Variants in ARID1B observed in about 807,000 individuals in gnomAD.
ARID1B encodes AT-rich interactive domain-containing protein 1B.
ARID1B carries 30 observed loss-of-function variants against 212.3 expected under a neutral mutation model. The observed-to-expected ratio is 0.14, with a 90% CI of 0.11 to 0.19. ARID1B has a LOEUF of 0.19. ARID1B is among the 10% of genes least tolerant of loss of function. ARID1B has a pLI of 1.00. For synonymous variants in ARID1B, 1,402 were observed against 1,301.7 expected, an observed-to-expected ratio of 1.08 and a Z score of -1.66; for missense variants, 2,891 against 3,204.0, an observed-to-expected ratio of 0.90 and a Z score of 2.36.
intron 4 of ARID1B, among the ~76,000 whole-genome samples, chr6:157,049,431 G>A (rs1446449572): frequency 5.3e-5 from 8 of 152,180 alleles, no homozygotes; most frequent in Admixed American, 3.3e-4. Flanking sequence ...GGAGGGACAG[G>A]ACTGGCCCTT....
At chr6:156,780,137 A>G (rs1161853313) in intron 1 of ARID1B, among the ~76,000 whole-genome samples, 2 of 152,194 alleles carry the variant, frequency 1.3e-5, no homozygotes, top group Non-Finnish European at 2.9e-5. Context: ...ATATTGTAAA[A>G]TACATCGATT....
chr6:157,001,929 C>G (rs573288128), intron 4 of ARID1B, among the ~76,000 whole-genome samples: 3 of 152,300 alleles, frequency 2.0e-5, no homozygotes, highest in Admixed American at 1.3e-4. Flanking sequence ...CGAGGGCTCC[C>G]CACGCTGCTC....
intron 1 of ARID1B, among the ~76,000 whole-genome samples, chr6:156,818,253 A>T (rs539836003): frequency 1.3e-5 from 2 of 152,096 alleles, no homozygotes; most frequent in Admixed American, 6.5e-5. Context: ...TAATAGGGTC[A>T]TATCTCTGAA....
intron 2 of ARID1B, among the ~76,000 whole-genome samples, chr6:156,833,375 G>T (rs990636921): frequency 6.6e-6 from 1 of 152,116 alleles, no homozygotes. Context: ...CGGCACCCAG[G>T]AGAAATAGCT....
chr6:156,829,846 T>C (rs1415619109), intron 2 of ARID1B: 1 of 152,772 alleles, frequency 6.5e-6, no homozygotes, highest in East Asian at 1.9e-4. Context: ...TTTTTAAAAT[T>C]GAAAAAAAAA....
intron 13 of ARID1B, among the ~76,000 whole-genome samples, chr6:157,188,469 C>T (rs1209185487): frequency 6.6e-6 from 1 of 152,198 alleles, no homozygotes; most frequent in Admixed American, 6.5e-5. Flanking sequence ...TCCTCTGTAA[C>T]CTCTCGTGGT....
At chr6:156,969,752 A>G (rs567518656) in intron 4 of ARID1B, among the ~76,000 whole-genome samples, 2 of 152,348 alleles carry the variant, frequency 1.3e-5, no homozygotes, top group South Asian at 2.1e-4. Flanking sequence ...ACTCTGGAAC[A>G]CTTATTAAAA....
chr6:157,004,991 C>A (rs1475243418), intron 4 of ARID1B, among the ~76,000 whole-genome samples: 7 of 139,110 alleles, frequency 5.0e-5, no homozygotes, highest in African/African-American at 1.9e-4. Context: ...CGACTCACTG[C>A]AACCTCCACC....
At chr6:157,060,221 A>G (rs190853802) in intron 4 of ARID1B, among the ~76,000 whole-genome samples, 170 of 152,344 alleles carry the variant, frequency 1.1e-3, no homozygotes, top group Non-Finnish European at 1.9e-3. Context: ...TCTTAAGGTA[A>G]ATTATATAGC....
At chr6:157,188,424 A>ATGT (rs1415350128) in intron 13 of ARID1B, among the ~76,000 whole-genome samples, 1 of 152,110 alleles carries the variant, frequency 6.6e-6, no homozygotes, top group African/African-American at 2.4e-5. Context: ...AGTAGAAATA[A>ATGT]TGTACTCATT....
At position 157,094,926 on chromosome 6, in the gene ARID1B, C is replaced by T. The variant is rs959282091; in HGVS notation, c.2491+10021C>T. ...GTTCTGTACAGAAGACAGAGGAACA[C>T]GTTTTTGAAGGGGAATCGAGAGTTT... On this transcript the variant is annotated intron_variant, in intron 5 of 19. Transcript: ENST00000636930. This position sits in a 1 kb window ranked among gnomAD's most constrained non-coding sequence, Gnocchi z 4.3. Among the ~76,000 whole-genome samples the T allele has an allele frequency of 1.3e-5, 2 of 152,068 alleles. No individual in the cohort carries two copies. The highest frequency in any genetic ancestry group is 2.9e-5 in the Non-Finnish European group (2 of 68,020).
At chr6:157,019,310 G>A (rs913468364) in intron 4 of ARID1B, among the ~76,000 whole-genome samples, 2 of 152,176 alleles carry the variant, frequency 1.3e-5, no homozygotes, top group African/African-American at 2.4e-5. Context: ...TGGGAATGGA[G>A]GCTAGTCTGT....
chr6:156,778,217 T>TGCCCACCAC lies in ARID1B; in HGVS notation c.538_546dup (p.Ala180_His182dup). 1 of 1,528,532 alleles carries TGCCCACCAC rather than the reference T, an allele frequency of 6.5e-7. No individual in the cohort carries two copies. The highest frequency in any genetic ancestry group is 8.8e-7 in the Non-Finnish European group (1 of 1,138,520). The allele number at this position is 1,528,532 out of a possible 1,614,324, so 94.7% of individuals were successfully genotyped here. On this transcript the variant is annotated inframe_insertion, in exon 1 of 20. Coordinates refer to ENST00000636930, the MANE Select transcript of ARID1B (RefSeq NM_001374828.1). ...ACCATGCCCACCACCACCACCACCATGCCCACCACCTCCACCACCACCACG... is the reference window on the plus strand; with the variant it reads ...ACCATGCCCACCACCACCACCACCATGCCCACCACGCCCACCACCTCCACCACCACCACG...
intron 6 of ARID1B, among the ~76,000 whole-genome samples, chr6:157,124,245 G>T (rs1311905113): frequency 1.3e-5 from 2 of 152,210 alleles, no homozygotes; most frequent in African/African-American, 4.8e-5. Flanking sequence ...AATGAAGATG[G>T]TTTATTTTTC....
Position 157,190,379 on chromosome 6 carries a change from C to T in ARID1B, c.4231+169C>T, listed in dbSNP as rs1421225585. On this transcript the variant is annotated intron_variant, in intron 15 of 19. Transcript: ENST00000636930. This position sits in a 1 kb window ranked among gnomAD's most constrained non-coding sequence, Gnocchi z 4.6. Reference sequence around the variant, plus strand: ...TGTGGCCTTGGGAAAAGCAGTTAGCCTCTTTGTGCCCTCATCCTGTCCCCG... The same window carrying T: ...TGTGGCCTTGGGAAAAGCAGTTAGCTTCTTTGTGCCCTCATCCTGTCCCCG... Among the ~76,000 whole-genome samples, 2 of 152,256 alleles carry T rather than the reference C, an allele frequency of 1.3e-5. No individual in the cohort carries two copies. The highest frequency in any genetic ancestry group is 6.5e-5 in the Admixed American group (1 of 15,292).
chr6:156,924,775 T>A (rs917078446), intron 3 of ARID1B, among the ~76,000 whole-genome samples: 2 of 152,186 alleles, frequency 1.3e-5, no homozygotes, highest in African/African-American at 4.8e-5. Context: ...GATTCTTGGA[T>A]GTTGTATAGA....
At chr6:157,013,473 A>G (rs1383112280) in intron 4 of ARID1B, among the ~76,000 whole-genome samples, 1 of 152,222 alleles carries the variant, frequency 6.6e-6, no homozygotes, top group Non-Finnish European at 1.5e-5. Context: ...AATGATAAAA[A>G]AAGAAATGCT....
chr6:157,005,050 C>G (rs1040680787), intron 4 of ARID1B, among the ~76,000 whole-genome samples: 2 of 151,552 alleles, frequency 1.3e-5, no homozygotes, highest in African/African-American at 2.4e-5. Flanking sequence ...GTAGCTAGGA[C>G]TACAGGTGTG....
intron 2 of ARID1B, among the ~76,000 whole-genome samples, chr6:156,876,767 A>G (rs1197407865): frequency 6.6e-6 from 1 of 152,198 alleles, no homozygotes; most frequent in Non-Finnish European, 1.5e-5. Context: ...CAACCAGTGT[A>G]TCTGCCAGTT....
Sources: allele counts gnomAD v4.1 joint callset (sites outside exome capture counted in the v4.1 genomes callset), GRCh38; gene constraint gnomAD v4.1.1; non-coding constraint Gnocchi (gnomAD v3.1); transcripts MANE v1.5; gene names NCBI Gene and HGNC (gene_info 2026-07-23, HGNC 2026-07-21).